DROSHA: variants seen among roughly 807,000 people sequenced by gnomAD.
The protein encoded by DROSHA is drosha ribonuclease III.
A neutral mutation model predicts 181.9 loss-of-function variants in DROSHA; 56 were observed. That is an observed-to-expected ratio of 0.31 (90% CI 0.25 to 0.38). The LOEUF (loss-of-function observed/expected upper bound fraction) is 0.38. Among genes scored for constraint, DROSHA ranks in the 10% least tolerant of loss-of-function variants. DROSHA has a pLI of 1.00. For missense variants in DROSHA, 1,218 were observed against 1,743.5 expected, an observed-to-expected ratio of 0.70 and a Z score of 5.37; for synonymous variants, 524 against 591.2, an observed-to-expected ratio of 0.89 and a Z score of 1.65.
At chr5:31,509,893 G>C (rs953639315) in intron 9 of DROSHA, among the ~76,000 whole-genome samples, 3 of 152,056 alleles carry the variant, frequency 2.0e-5, no homozygotes, top group African/African-American at 7.2e-5. Flanking sequence ...CTGGGGTCTG[G>C]GGAGTTATTC....
chr5:31,489,527 A>G (rs904911927), intron 13 of DROSHA, among the ~76,000 whole-genome samples: 4 of 152,204 alleles, frequency 2.6e-5, no homozygotes, highest in African/African-American at 9.6e-5. Flanking sequence ...TTGCTACACA[A>G]TGGTCAACCA....
intron 11 of DROSHA, among the ~76,000 whole-genome samples, chr5:31,501,846 G>A (rs182099946): frequency 1.9e-3 from 294 of 152,260 alleles, no homozygotes; most frequent in Admixed American, 4.1e-3. Flanking sequence ...AGCTCCCGAC[G>A]GTCGGGGCAT....
intron 30 of DROSHA, among the ~76,000 whole-genome samples, chr5:31,413,805 T>C (rs112363217): frequency 3.9e-4 from 59 of 152,344 alleles, no homozygotes; most frequent in African/African-American, 1.4e-3. Context: ...TAAAAGCATT[T>C]CAGGGCCTCA....
At chr5:31,488,471 T>G (rs146611590) in intron 13 of DROSHA, among the ~76,000 whole-genome samples, 1 of 149,780 alleles carries the variant, frequency 6.7e-6, no homozygotes, top group Non-Finnish European at 1.5e-5. Context: ...CTAGAAAAAG[T>G]TGAGGCAGAG....
intron 16 of DROSHA, among the ~76,000 whole-genome samples, chr5:31,477,926 G>A (rs1270034312): frequency 3.3e-5 from 5 of 152,122 alleles, no homozygotes; most frequent in Admixed American, 1.3e-4. Context: ...AATAATCCTT[G>A]GTTTAAACTA....
chr5:31,449,456 A>G (rs1239269877), intron 21 of DROSHA, 37 bp from the exon 22 acceptor site: 2 of 1,541,952 alleles, frequency 1.3e-6, no homozygotes, highest in Non-Finnish European at 1.7e-6. Flanking sequence ...TCTTTAAAAC[A>G]GCATAAACTG....
rs1561283515 is a variant in DROSHA at position 31,515,349 on chromosome 5, T to C, written c.1058+105A>G. On this transcript the variant is annotated intron_variant, in intron 7 of 35. Transcript: ENST00000344624. ...CATGCCAAATCACCGTGTGTACTTT[T>C]GTTAAACCAGTGACTCCCAAATACC... The C allele has an allele frequency of 1.7e-5, 20 of 1,147,154 alleles. No individual in the cohort carries two copies. The East Asian group carries it at 1.8e-4, about 10-fold the overall frequency. 71.1% of individuals were successfully genotyped at this position (1,147,154 alleles called of 1,614,324 possible).
chr5:31,423,555 T>C (rs762104287), intron 28 of DROSHA, among the ~76,000 whole-genome samples: 4 of 152,194 alleles, frequency 2.6e-5, no homozygotes, highest in Non-Finnish European at 4.4e-5. Context: ...ACTAGACAGG[T>C]GGTGCTCCAA....
In DROSHA at chr5:31,523,017, C is replaced by T. The variant is rs553405194; in HGVS notation, c.855-1802G>A. 2.6e-5 allele frequency among the ~76,000 whole-genome samples: 4 copies of T among 152,266 alleles called. No homozygotes were observed. The East Asian group carries it at 7.7e-4, about 29-fold the overall frequency. ...ATTTGTAAAAGGATAGATTCACTTA[C>T]CCCAAGAAGCAGGGGAGGGGCAACA... is the stretch of plus-strand genomic sequence containing the variant. On this transcript the variant is annotated intron_variant, in intron 5 of 35. Coordinates refer to ENST00000344624, the MANE Select transcript of DROSHA (RefSeq NM_001382508.1).
intron 6 of DROSHA, among the ~76,000 whole-genome samples, chr5:31,520,025 A>G (rs1039975395): frequency 2.0e-5 from 3 of 152,098 alleles, no homozygotes; most frequent in Non-Finnish European, 4.4e-5. Context: ...TTTTCCTGCT[A>G]CTACAGAATG....
chr5:31,512,179 A>C (rs1168962077), intron 8 of DROSHA, among the ~76,000 whole-genome samples: 1 of 152,180 alleles, frequency 6.6e-6, no homozygotes, highest in African/African-American at 2.4e-5. Context: ...AAATCATAAA[A>C]TCTGGTACCC....
intron 23 of DROSHA, among the ~76,000 whole-genome samples, chr5:31,445,349 C>T (rs1382895826): frequency 6.6e-6 from 1 of 152,132 alleles, no homozygotes; most frequent in Admixed American, 6.5e-5. Flanking sequence ...CTTCAAAGGC[C>T]TCAAGACCAC....
intron 8 of DROSHA, among the ~76,000 whole-genome samples, chr5:31,511,834 C>T (rs1454169912): frequency 6.6e-6 from 1 of 152,034 alleles, no homozygotes; most frequent in African/African-American, 2.4e-5. Flanking sequence ...TGTACACTTC[C>T]TACTGAAAAT....
chr5:31,418,854 A>G (rs938313378), intron 30 of DROSHA, among the ~76,000 whole-genome samples: 4 of 152,100 alleles, frequency 2.6e-5, no homozygotes, highest in Non-Finnish European at 4.4e-5. Context: ...CAGGCAGGAG[A>G]CTACAAATTC....
chr5:31,407,647 C>A (rs1021644279), intron 33 of DROSHA, among the ~76,000 whole-genome samples: 12 of 152,092 alleles, frequency 7.9e-5, no homozygotes, highest in Admixed American at 2.0e-4. Context: ...TTAAAAAAAA[C>A]CATGTAAAAC....
At chr5:31,488,108 T>C (rs1016135250) in intron 13 of DROSHA, among the ~76,000 whole-genome samples, 28 of 151,868 alleles carry the variant, frequency 1.8e-4, no homozygotes, top group African/African-American at 6.5e-4. Context: ...GGAGGTAACA[T>C]ATGAGTTGTC....
intron 3 of DROSHA, 91 bp from the exon 4 acceptor site, chr5:31,529,196 T>G: frequency 8.8e-7 from 1 of 1,133,606 alleles, no homozygotes. Context: ...AACACTAATT[T>G]TGTAGTTTCC....
chr5:31,499,889 G>A (rs1341786846), intron 11 of DROSHA, among the ~76,000 whole-genome samples: 1 of 152,174 alleles, frequency 6.6e-6, no homozygotes, highest in African/African-American at 2.4e-5. Context: ...AGATGTGAAA[G>A]CCAGAAGAAA....
intron 8 of DROSHA, among the ~76,000 whole-genome samples, chr5:31,511,440 C>G (rs1337595111): frequency 1.3e-5 from 2 of 152,148 alleles, no homozygotes; most frequent in Non-Finnish European, 2.9e-5. Context: ...CGTGCTGGCT[C>G]ACGCCTGTAA....
Sources: gnomAD v4.1 joint callset for allele counts (sites outside exome capture counted in the v4.1 genomes callset) on GRCh38, gnomAD v4.1.1 for gene constraint, MANE v1.5 for transcripts, NCBI Gene and HGNC (gene_info 2026-07-23, HGNC 2026-07-21) for gene names.